CDC14B: variants seen among roughly 807,000 people sequenced by gnomAD.
CDC14B encodes dual specificity protein phosphatase CDC14B.
In CDC14B, 22 loss-of-function variants were observed where a neutral mutation model predicts 64.2. The ratio of observed to expected loss-of-function variants is 0.34; its 90% CI spans 0.24 to 0.49. CDC14B has a LOEUF of 0.49. Ranked by LOEUF, CDC14B falls within the 20% of genes least tolerant of loss-of-function variation. CDC14B has a pLI of 0.99. For synonymous variants in CDC14B, 191 were observed against 215.8 expected (o/e 0.89, Z 1.01); for missense variants, 498 against 629.9 (o/e 0.79, Z 2.24).
In CDC14B at chr9:96,536,876, T is replaced by C. The variant is rs555148347; in HGVS notation, c.627+2202A>G. Among the ~76,000 whole-genome samples the C allele has an allele frequency of 3.3e-5, 5 of 152,208 alleles. No homozygotes were observed. In the East Asian group the frequency reaches 5.8e-4, roughly 18 times the overall value. ...TCTTACTCATTCCCTATTTGGAGGA[T>C]AAAGCTGTAGAATCAAATTATTTAT... is the stretch of plus-strand genomic sequence containing the variant. On this transcript the variant is annotated intron_variant, in intron 7 of 13. Transcript: ENST00000375241.
chr9:96,494,754 C>T (rs1350345529), intron 13 of CDC14B, among the ~76,000 whole-genome samples: 2 of 132,794 alleles, frequency 1.5e-5, no homozygotes, highest in Non-Finnish European at 3.3e-5. Flanking sequence ...TTCTTCCTCC[C>T]CTCCCCTCCC....
intron 4 of CDC14B, among the ~76,000 whole-genome samples, chr9:96,552,967 A>G (rs1014657811): frequency 3.9e-5 from 6 of 152,246 alleles, no homozygotes; most frequent in African/African-American, 1.2e-4. Context: ...CAAACTTTTT[A>G]TCTCCATTAC....
intron 4 of CDC14B, among the ~76,000 whole-genome samples, chr9:96,559,398 C>A (rs1178177157): frequency 7.9e-5 from 12 of 152,102 alleles, no homozygotes; most frequent in Non-Finnish European, 1.6e-4. Flanking sequence ...CACTAAAGAA[C>A]CTTACTCTCT....
chr9:96,523,525 C>T, intron 10 of CDC14B, 62 bp downstream of exon 10: 2 of 1,606,144 alleles, frequency 1.2e-6, no homozygotes, highest in Non-Finnish European at 1.7e-6. Context: ...GGAAATTCCA[C>T]TCCCCATCAG....
At chr9:96,496,107 G>A (rs1277764258), downstream of CDC14B, 3 of 357,278 alleles carry the variant, frequency 8.4e-6, no homozygotes, top group Non-Finnish European at 1.7e-5. Flanking sequence ...CAGGGTGGGT[G>A]TCAGCCCGGC....
In CDC14B at chr9:96,561,249, A is replaced by T. The variant is rs910229337; in HGVS notation, c.420+1444T>A. 6.6e-5 allele frequency among the ~76,000 whole-genome samples: 10 copies of T among 152,218 alleles called. 1 individual carries two copies. The highest frequency in any genetic ancestry group is 4.6e-4 in the Admixed American group (7 of 15,284). ...TGAGCATAAATAGGAAAACAAAACA[A>T]AGACCTTAACCACTGCTGTTAATGA... On this transcript the variant is annotated intron_variant, in intron 4 of 13. Coordinates refer to ENST00000375241, the MANE Select transcript of CDC14B (RefSeq NM_033331.4).
intron 12 of CDC14B, among the ~76,000 whole-genome samples, chr9:96,516,209 T>G (rs188671586): frequency 1.3e-3 from 193 of 152,200 alleles, no homozygotes; most frequent in Non-Finnish European, 4.7e-4. Flanking sequence ...CCAGACTAGT[T>G]AACAAAATCA....
intron 7 of CDC14B, 126 bp from the exon 8 acceptor site, chr9:96,534,668 C>T: frequency 1.6e-6 from 1 of 640,760 alleles, no homozygotes; most frequent in South Asian, 2.1e-5. Flanking sequence ...TTACAAATTG[C>T]CATGAGACAG....
At chr9:96,578,514 A>G (rs995451317) in intron 1 of CDC14B, among the ~76,000 whole-genome samples, 1 of 152,226 alleles carries the variant, frequency 6.6e-6, no homozygotes, top group African/African-American at 2.4e-5. Flanking sequence ...GATGTGATAG[A>G]AGGGCACTTC....
At chr9:96,533,786 T>C (rs1838869048) in intron 9 of CDC14B, 141 bp downstream of exon 9, 2 of 559,392 alleles carry the variant, frequency 3.6e-6, no homozygotes, top group East Asian at 5.9e-5. Flanking sequence ...ATACTTTTCA[T>C]CTGAAATCAA....
chr9:96,572,427 G>A (rs965317136), intron 1 of CDC14B, among the ~76,000 whole-genome samples: 5 of 152,066 alleles, frequency 3.3e-5, no homozygotes, highest in African/African-American at 7.2e-5. Context: ...TTGAATAGGA[G>A]GACACCCAAC....
Position 96,503,059 on chromosome 9 carries a change from TCTC to T in CDC14B, c.*691_*693del, listed in dbSNP as rs546974243. ...ACATCTTCCAACTCTGAAGTCAGTTTCTCCTCCTGAGTCTTCTAAAGCTACCAT... is the reference window on the plus strand; with the variant it reads ...ACATCTTCCAACTCTGAAGTCAGTTTCTCCTGAGTCTTCTAAAGCTACCAT... On this transcript the variant is annotated 3_prime_UTR_variant, in exon 14 of 14. Transcript: ENST00000375241. 24 of 393,656 alleles carry T rather than the reference TCTC, an allele frequency of 6.1e-5. No homozygotes were observed. The South Asian group carries it at 2.1e-3, about 35-fold the overall frequency. 24.4% of individuals were successfully genotyped at this position (393,656 alleles called of 1,614,324 possible). A position where few individuals can be genotyped will look rare whatever the true frequency, so the allele number is the denominator to read the frequency against.
chr9:96,562,238 A>G (rs535252003), intron 4 of CDC14B, among the ~76,000 whole-genome samples: 7 of 152,262 alleles, frequency 4.6e-5, no homozygotes, highest in South Asian at 2.1e-4. Context: ...TAATTAGGGG[A>G]AAAATGCCTA....
chr9:96,575,741 T>G (rs1030599095), intron 1 of CDC14B, among the ~76,000 whole-genome samples: 5 of 152,222 alleles, frequency 3.3e-5, no homozygotes, highest in African/African-American at 1.2e-4. Context: ...TCCCAGCATT[T>G]TGGGAGGCTA....
intron 7 of CDC14B, among the ~76,000 whole-genome samples, chr9:96,537,691 A>G (rs1422178176): frequency 6.6e-6 from 1 of 152,192 alleles, no homozygotes; most frequent in African/African-American, 2.4e-5. Context: ...AGCCAATCCT[A>G]TTCCTGGACT....
intron 9 of CDC14B, among the ~76,000 whole-genome samples, chr9:96,525,083 G>A (rs1291958363): frequency 6.6e-6 from 1 of 152,166 alleles, no homozygotes; most frequent in African/African-American, 2.4e-5. Context: ...AGAAGAAATT[G>A]TTAAGCAACA....
chr9:96,560,580 TTCTC>T (rs765571511), intron 4 of CDC14B, among the ~76,000 whole-genome samples: 11 of 145,588 alleles, frequency 7.6e-5, no homozygotes, highest in African/African-American at 2.6e-4. Flanking sequence ...ACTTTTCTCT[TTCTC>T]TTTTTTTTTT....
At chr9:96,614,496 T>A (rs1424546159) in intron 1 of CDC14B, among the ~76,000 whole-genome samples, 1 of 151,914 alleles carries the variant, frequency 6.6e-6, no homozygotes, top group African/African-American at 2.4e-5. Flanking sequence ...TCAGAAATTT[T>A]AAAAATAAAA....
chr9:96,523,464 T>C, intron 10 of CDC14B, 44 bp from the exon 11 acceptor site: 1 of 1,604,340 alleles, frequency 6.2e-7, no homozygotes, highest in Non-Finnish European at 8.5e-7. Context: ...TCCAGAAAGA[T>C]ACATGAACAA....
Sources: allele counts gnomAD v4.1 joint callset (sites outside exome capture counted in the v4.1 genomes callset), GRCh38; gene constraint gnomAD v4.1.1; transcripts MANE v1.5; gene names NCBI Gene and HGNC (gene_info 2026-07-23, HGNC 2026-07-21).